The following IPP variants were observed in gnomAD, a reference collection of about 807,000 sequenced individuals.
IPP encodes the protein actin-binding protein IPP.
Under a neutral mutation model 64.1 loss-of-function variants are expected in IPP, and 41 were observed. That is an observed-to-expected ratio of 0.64 (90% CI 0.50 to 0.83). The LOEUF (loss-of-function observed/expected upper bound fraction) is 0.83, where lower values mean the gene tolerates loss of function less well. IPP is among the 40% of genes least tolerant of loss of function. The pLI, the probability that IPP is intolerant of heterozygous loss-of-function variation, is 0.00. For synonymous variants in IPP, 214 were observed against 235.2 expected, an observed-to-expected ratio of 0.91 and a Z score of 0.83; for missense variants, 649 against 703.0, an observed-to-expected ratio of 0.92 and a Z score of 0.87.
chr1:45,741,579 T>C (rs901489779), intron 2 of IPP, among the ~76,000 whole-genome samples: 2 of 152,112 alleles, frequency 1.3e-5, no homozygotes, highest in Non-Finnish European at 2.9e-5. Context: ...AATTTAACCC[T>C]TATTATAATC....
chr1:45,732,524 T>C (rs1645924326), intron 3 of IPP, among the ~76,000 whole-genome samples: 1 of 151,996 alleles, frequency 6.6e-6, no homozygotes, highest in South Asian at 2.1e-4. Flanking sequence ...ATCAAATTAC[T>C]GATGTGGAGG....
At chr1:45,723,647 G>T (rs756500860) in intron 5 of IPP, among the ~76,000 whole-genome samples, 3 of 152,122 alleles carry the variant, frequency 2.0e-5, no homozygotes, top group Admixed American at 1.3e-4. Context: ...GGAATTTTCT[G>T]TTGCACATGT....
Position 45,724,007 on chromosome 1 carries a change from T to G in IPP, c.1048+3624A>C, listed in dbSNP as rs1312715044. 2.2e-5 allele frequency among the ~76,000 whole-genome samples: 3 copies of G among 139,388 alleles called. No individual in the cohort carries two copies. The East Asian group carries it at 7.4e-4, about 34-fold the overall frequency. The allele number at this position is 139,388 out of a possible 152,430, so 91.4% of individuals were successfully genotyped here. ...CCCTCTCCCTCTCTCCACGGTCTCC[T>G]TCCACGGTCTCCCTCTGATGCCGAG... On this transcript the variant is annotated intron_variant, in intron 5 of 8. Coordinates refer to ENST00000396478, the MANE Select transcript of IPP (RefSeq NM_005897.3).
chr1:45,732,361 CAAAA>C (rs779442718), intron 3 of IPP, among the ~76,000 whole-genome samples: 9 of 59,764 alleles, frequency 1.5e-4, no homozygotes, highest in South Asian at 1.4e-3. Context: ...GACTCCACCT[CAAAA>C]AAAAAAAAAA....
intron 8 of IPP, among the ~76,000 whole-genome samples, chr1:45,713,447 C>T (rs1357720915): frequency 6.6e-6 from 1 of 152,004 alleles, no homozygotes; most frequent in Non-Finnish European, 1.5e-5. Flanking sequence ...GAAATCCCAG[C>T]TACTCAAGAG....
chr1:45,698,587 TCTTA>T, downstream of IPP: 1 of 671,990 alleles, frequency 1.5e-6, no homozygotes, highest in Non-Finnish European at 1.8e-6. Context: ...TGCAGTATGC[TCTTA>T]CTTAGGTTTG....
intron 8 of IPP, among the ~76,000 whole-genome samples, chr1:45,713,806 A>G (rs1468225417): frequency 2.6e-5 from 4 of 152,074 alleles, no homozygotes; most frequent in Admixed American, 6.6e-5. Context: ...CTATCCTCTC[A>G]TCTTGGCTTC....
downstream of IPP, chr1:45,694,608 T>C (rs985325355): frequency 3.6e-5 from 25 of 702,386 alleles, no homozygotes; most frequent in Admixed American, 5.2e-4. Flanking sequence ...AACCCAATTA[T>C]ATGAGCTAAA....
chr1:45,704,268 C>T (rs1327570825), intron 8 of IPP, among the ~76,000 whole-genome samples: 5 of 150,342 alleles, frequency 3.3e-5, no homozygotes, highest in South Asian at 4.2e-4. Context: ...GACAGAGCCT[C>T]GCTCTGTCAC....
downstream of IPP, chr1:45,694,374 T>C: frequency 1.1e-6 from 1 of 942,316 alleles, no homozygotes; most frequent in Non-Finnish European, 1.7e-6. Flanking sequence ...ATGAATAATA[T>C]AGTTATCCAC....
At chr1:45,711,420 AAAG>A (rs1411613310) in intron 8 of IPP, among the ~76,000 whole-genome samples, 3 of 151,966 alleles carry the variant, frequency 2.0e-5, no homozygotes, top group South Asian at 2.1e-4. Context: ...AAGTAGAAGG[AAAG>A]AAGAAGATAA....
At chr1:45,744,837 CA>C (rs34472879) in intron 2 of IPP, among the ~76,000 whole-genome samples, 41,051 of 129,948 alleles carry the variant, frequency 0.32, 5,649 homozygotes, top group South Asian at 0.39. Flanking sequence ...GACTCTGTCT[CA>C]AAAAAAAAAA....
intron 5 of IPP, among the ~76,000 whole-genome samples, chr1:45,723,776 T>C (rs1645763712): frequency 6.6e-6 from 1 of 152,118 alleles, no homozygotes; most frequent in Non-Finnish European, 1.5e-5. Context: ...AAAATATTTA[T>C]ACAATTTTTG....
chr1:45,747,097 T>TGCGCGCATGCGCGCGCACGCGAGCGC, intron 1 of IPP, among the ~76,000 whole-genome samples: 1 of 151,962 alleles, frequency 6.6e-6, no homozygotes, highest in East Asian at 2.0e-4. Flanking sequence ...CTACTCTTAG[T>TGCGCGCATGCGCGCGCACGCGAGCGC]GCGCGCATGC....
rs1645414761 is a variant in IPP at position 45,699,007 on chromosome 1, G to A, written c.*959C>T. 2.0e-6 allele frequency: 2 copies of A among 980,922 alleles called. No homozygotes were observed. The highest frequency in any genetic ancestry group is 2.4e-6 in the Non-Finnish European group (2 of 825,920). The allele number at this position is 980,922 out of a possible 1,614,324, so 60.8% of individuals were successfully genotyped here. On this transcript the variant is annotated 3_prime_UTR_variant, in exon 9 of 9. Transcript: ENST00000396478. ...CTCTCAAAGTGCTGGGATTACAGGT[G>A]TGAGCCACCATGCCCAGCCTAAAAA...
At chr1:45,704,050 C>T (rs74072079) in intron 8 of IPP, among the ~76,000 whole-genome samples, 6,359 of 152,188 alleles carry the variant, frequency 0.042, 208 homozygotes, top group East Asian at 0.16. Flanking sequence ...CTTCTCTTCT[C>T]TTACTATAAG....
intron 8 of IPP, among the ~76,000 whole-genome samples, chr1:45,703,191 T>C (rs1645476201): frequency 6.6e-6 from 1 of 151,218 alleles, no homozygotes; most frequent in Non-Finnish European, 1.5e-5. Context: ...TGGGCTCAGG[T>C]GATCCTCCCA....
Position 45,741,294 on chromosome 1 carries a change from T to C in IPP, c.331A>G (p.Ile111Val), listed in dbSNP as rs1646062345. Residue 111 changes from isoleucine to valine, a missense_variant, in exon 3 of 9, where the codon ATT (isoleucine) becomes GTT (valine). By Grantham distance (29) the Ile-to-Val change is conservative (BLOSUM62 3). Transcript: ENST00000396478. ...NIGVNNVQEL[I>V]IAADMLQLTE... is the part of the protein sequence containing the mutation. ...AACTGTAGCATGTCTGCTGCAATAA[T>C]CAACTCCTGGACATTATTCACACCT... The C allele has an allele frequency of 2.5e-6, 4 of 1,613,804 alleles. No individual in the cohort carries two copies. In the East Asian group the frequency reaches 6.7e-5, roughly 27 times the overall value.
At chr1:45,723,606 A>C (rs2148564172) in intron 5 of IPP, among the ~76,000 whole-genome samples, 2 of 152,330 alleles carry the variant, frequency 1.3e-5, no homozygotes, top group Non-Finnish European at 2.9e-5. Flanking sequence ...GCAGACAGGA[A>C]GTTATTGCTT....
Sources: gnomAD v4.1 joint callset for allele counts (sites outside exome capture counted in the v4.1 genomes callset) on GRCh38, gnomAD v4.1.1 for gene constraint, MANE v1.5 for transcripts, NCBI Gene and HGNC (gene_info 2026-07-23, HGNC 2026-07-21) for gene names.